The following TRPC6 variants were observed in gnomAD, a reference collection of about 807,000 sequenced individuals.
The protein encoded by TRPC6 is short transient receptor potential channel 6.
A neutral mutation model predicts 90.7 loss-of-function variants in TRPC6; 55 were observed. That is an observed-to-expected ratio of 0.61 (90% CI 0.49 to 0.76). The LOEUF (loss-of-function observed/expected upper bound fraction) is 0.76, where lower values mean the gene tolerates loss of function less well. Among genes scored for constraint, TRPC6 ranks in the 30% least tolerant of loss-of-function variants. TRPC6 has a pLI of 0.00. For synonymous variants in TRPC6, 393 were observed against 393.0 expected, an observed-to-expected ratio of 1.00 and a Z score of 0.00; for missense variants, 989 against 1,122.7, an observed-to-expected ratio of 0.88 and a Z score of 1.70.
intron 4 of TRPC6, among the ~76,000 whole-genome samples, chr11:101,486,655 A>G (rs1463835475): frequency 1.3e-5 from 2 of 152,176 alleles, no homozygotes; most frequent in Non-Finnish European, 2.9e-5. Flanking sequence ...AAGAAACCCA[A>G]CTTTTGTTTC....
chr11:101,569,545 C>T (rs757548989), intron 1 of TRPC6, among the ~76,000 whole-genome samples: 2 of 152,154 alleles, frequency 1.3e-5, no homozygotes, highest in African/African-American at 2.4e-5. Flanking sequence ...AACTCTCCAC[C>T]CCAAATCAAC....
chr11:101,541,944 A>C (rs1861182292), intron 1 of TRPC6, among the ~76,000 whole-genome samples: 1 of 152,210 alleles, frequency 6.6e-6, no homozygotes, highest in South Asian at 2.1e-4. Flanking sequence ...TATGTCTAGA[A>C]GTTTGGAATA....
Position 101,473,645 on chromosome 11 carries a change from T to C in TRPC6, c.1873A>G (p.Ile625Val). The change falls in exon 7 of 13, where the codon ATA becomes GTA. Residue 625 changes from isoleucine (I) to valine (V), a missense_variant. Physicochemically the swap from Ile to Val is conservative, Grantham distance 29. This residue lies in a region of TRPC6 where 118 missense variants were observed against 197.6 expected (regional missense o/e 0.60). Transcript: ENST00000344327. ...TCTTTGACTGTTCTTCCAAGTGATA[T>C]CTGCAGAGGTCCAAAGCTTTCATTT... ...PANESFGPLQ[I>V]SLGRTVKDIF... 1.2e-6 allele frequency: 2 copies of C among 1,613,790 alleles called. No individual in the cohort carries two copies. The highest frequency in any genetic ancestry group is 1.1e-5 in the South Asian group (1 of 91,080).
At chr11:101,465,604 C>T (rs985441238) in intron 10 of TRPC6, among the ~76,000 whole-genome samples, 7 of 152,204 alleles carry the variant, frequency 4.6e-5, no homozygotes, top group African/African-American at 1.4e-4. Flanking sequence ...GTGTATGCTT[C>T]ACAAAGTTTT....
At chr11:101,556,405 A>C (rs1180018451) in intron 1 of TRPC6, among the ~76,000 whole-genome samples, 1 of 152,134 alleles carries the variant, frequency 6.6e-6, no homozygotes, top group African/African-American at 2.4e-5. Context: ...GAAATACAAA[A>C]GCTCATGAGA....
chr11:101,548,762 A>G (rs1391573199), intron 1 of TRPC6, among the ~76,000 whole-genome samples: 1 of 151,998 alleles, frequency 6.6e-6, no homozygotes, highest in Non-Finnish European at 1.5e-5. Context: ...CAGCTCTCAG[A>G]AAGAATGCAA....
At chr11:101,489,143 A>G in intron 3 of TRPC6, 42 bp from the exon 4 acceptor site, 3 of 1,589,870 alleles carry the variant, frequency 1.9e-6, no homozygotes, top group Non-Finnish European at 2.6e-6. Context: ...GACTAAAGAA[A>G]GGTTCAGCAT....
chr11:101,500,674 TG>T (rs1860097353), intron 2 of TRPC6, among the ~76,000 whole-genome samples: 2 of 152,166 alleles, frequency 1.3e-5, no homozygotes, highest in Non-Finnish European at 2.9e-5. Context: ...GTGTGTTATA[TG>T]TATTTTATTT....
intron 1 of TRPC6, among the ~76,000 whole-genome samples, chr11:101,542,652 C>T (rs1861202497): frequency 6.7e-6 from 1 of 150,268 alleles, no homozygotes; most frequent in Non-Finnish European, 1.5e-5. Context: ...ATAGTATCTA[C>T]TAAAAAATAA....
chr11:101,458,531 A>G (rs529718737), intron 10 of TRPC6, among the ~76,000 whole-genome samples: 118 of 152,310 alleles, frequency 7.7e-4, no homozygotes, highest in African/African-American at 2.7e-3. Context: ...CTTTTAATTT[A>G]TGCTATCCTT....
chr11:101,504,626 G>A lies in TRPC6; in HGVS notation c.343C>T (p.Arg115Trp), dbSNP rs199884871. The change falls in exon 2 of 13, where the codon CGG becomes TGG. Residue 115 changes from arginine to tryptophan, a missense_variant. Transcript: ENST00000344327. The stretch of plus-strand genomic sequence containing the variant: ...GAGTGGCATTCTTCTAACATCTTCC[G>A]CACCACTGGGATGTTACCATATTCA... ...AAEYGNIPVV[R>W]KMLEECHSLN... 5.2e-5 allele frequency: 84 copies of A among 1,612,894 alleles called. No homozygotes were observed. The highest frequency in any genetic ancestry group is 1.0e-4 in the Admixed American group (6 of 59,934).
chr11:101,489,697 C>T (rs1167249896), intron 3 of TRPC6, among the ~76,000 whole-genome samples: 1 of 151,498 alleles, frequency 6.6e-6, no homozygotes, highest in African/African-American at 2.4e-5. Context: ...CTGAACCATA[C>T]ATATGGCAGA....
intron 8 of TRPC6, among the ~76,000 whole-genome samples, chr11:101,471,895 A>G (rs1309810201): frequency 6.6e-6 from 1 of 152,186 alleles, no homozygotes; most frequent in African/African-American, 2.4e-5. Flanking sequence ...TTTTTATTAA[A>G]TTAGTATCAA....
At chr11:101,537,571 T>A (rs1449609705) in intron 1 of TRPC6, among the ~76,000 whole-genome samples, 1 of 152,180 alleles carries the variant, frequency 6.6e-6, no homozygotes, top group East Asian at 1.9e-4. Flanking sequence ...TGGGGCACAT[T>A]TTCTAGAAAC....
chr11:101,461,215 G>C (rs1858997088), intron 10 of TRPC6, among the ~76,000 whole-genome samples: 1 of 152,148 alleles, frequency 6.6e-6, no homozygotes, highest in African/African-American at 2.4e-5. Context: ...TGTGATATGT[G>C]CAGATAATTT....
chr11:101,517,161 G>T (rs1363394901), intron 1 of TRPC6, among the ~76,000 whole-genome samples: 3 of 152,150 alleles, frequency 2.0e-5, no homozygotes, highest in African/African-American at 7.2e-5. Context: ...ACTTACAATA[G>T]TATGTTCAAG....
At chr11:101,583,088 T>C in intron 1 of TRPC6, 2 of 862,528 alleles carry the variant, frequency 2.3e-6, no homozygotes, top group Non-Finnish European at 2.8e-6. Context: ...GGTCTCACTC[T>C]CGTGGGCAAA....
chr11:101,509,155 A>C (rs531557197), intron 1 of TRPC6, among the ~76,000 whole-genome samples: 1 of 149,376 alleles, frequency 6.7e-6, no homozygotes, highest in East Asian at 1.9e-4. Context: ...TTGAGACAGG[A>C]TCTCGTTCTG....
Position 101,522,446 on chromosome 11 carries a change from C to T in TRPC6, c.171-17648G>A, listed in dbSNP as rs1860684276. Among the ~76,000 whole-genome samples, 3 of 152,280 alleles carry T rather than the reference C, an allele frequency of 2.0e-5. No homozygotes were observed. In the South Asian group the frequency reaches 6.2e-4, roughly 32 times the overall value. On this transcript the variant is annotated intron_variant, in intron 1 of 12. Coordinates refer to ENST00000344327, the MANE Select transcript of TRPC6 (RefSeq NM_004621.6). ...CTGCAGAACTGTGAGTCAATTAAAC[C>T]TCTTTTCTTTATAAATTACCCAGTC...
Sources: allele counts gnomAD v4.1 joint callset (sites outside exome capture counted in the v4.1 genomes callset), GRCh38; gene constraint gnomAD v4.1.1; regional missense constraint gnomAD v4.1.1; transcripts MANE v1.5; gene names NCBI Gene and HGNC (gene_info 2026-07-23, HGNC 2026-07-21).